The following ZBBX variants were observed in gnomAD, a reference collection of about 807,000 sequenced individuals.
ZBBX encodes the protein zinc finger B-box domain containing, also known as zinc finger B-box domain-containing protein 1.
A neutral mutation model predicts 108.5 loss-of-function variants in ZBBX; 101 were observed. That is an observed-to-expected ratio of 0.93 (90% CI 0.79 to 1.10). The LOEUF (loss-of-function observed/expected upper bound fraction) is 1.10, where lower values mean the gene tolerates loss of function less well. Among genes scored for constraint, ZBBX ranks in the 50% least tolerant of loss-of-function variants. The pLI is 0.00. For synonymous variants in ZBBX, 356 were observed against 323.4 expected, an observed-to-expected ratio of 1.10 and a Z score of -1.08; for missense variants, 1,009 against 941.4, an observed-to-expected ratio of 1.07 and a Z score of -0.94.
At chr3:167,183,459 C>T in the ZBBX span, among the ~76,000 whole-genome samples, 118 of 152,188 alleles carry the variant, frequency 7.8e-4, no homozygotes, top group Non-Finnish European at 1.2e-3. Context: ...CCTAACCCAG[C>T]GGCGCTAGAG....
chr3:167,218,194 A>G, the ZBBX span, among the ~76,000 whole-genome samples: 1 of 152,160 alleles, frequency 6.6e-6, no homozygotes, highest in Non-Finnish European at 1.5e-5. Flanking sequence ...AATATGTACA[A>G]CAAACCCCCA....
At chr3:167,306,398 A>G (rs571895938) in intron 16 of ZBBX, among the ~76,000 whole-genome samples, 1 of 152,304 alleles carries the variant, frequency 6.6e-6, no homozygotes, top group African/African-American at 2.4e-5. Flanking sequence ...AGATGAAAGA[A>G]GAGCAGCAGT....
chr3:167,284,315 G>T (rs1195074439), intron 19 of ZBBX, among the ~76,000 whole-genome samples: 1 of 151,776 alleles, frequency 6.6e-6, no homozygotes, highest in Non-Finnish European at 1.5e-5. Context: ...AACTCTCCAA[G>T]TCTACATAAG....
intron 1 of ZBBX, among the ~76,000 whole-genome samples, chr3:167,405,321 T>C (rs954200379): frequency 6.6e-6 from 1 of 151,958 alleles, no homozygotes; most frequent in African/African-American, 2.4e-5. Context: ...ACCTCTGACA[T>C]AAACAGTGCA....
chr3:167,366,256 G>C lies in ZBBX; in HGVS notation c.183-280C>G, dbSNP rs949423776. Among the ~76,000 whole-genome samples the C allele has an allele frequency of 1.2e-4, 18 of 151,812 alleles. 1 individual carries two copies. Among genetic ancestry groups the C allele is most frequent in the Non-Finnish European group, 4.4e-5 (3 of 67,780 alleles). On this transcript the variant is annotated intron_variant, in intron 5 of 21. Transcript: ENST00000675490. ...TTCCTTGATATTCACAATGACTAAA[G>C]ATAGCTTTATTGATTTGTAGGAAAC...
Position 167,318,431 on chromosome 3 carries a change from T to C in ZBBX, c.984-834A>G, listed in dbSNP as rs543847010. On this transcript the variant is annotated intron_variant, in intron 12 of 21. Transcript: ENST00000675490. The stretch of plus-strand genomic sequence containing the variant: ...AGTATGATCTTAACTTTACAGAGGA[T>C]GAGACTGAGACACAAAGTGGTGTAC... Among the ~76,000 whole-genome samples the C allele has an allele frequency of 1.1e-3, 171 of 152,096 alleles. 1 individual carries two copies. Among genetic ancestry groups the C allele is most frequent in the African/African-American group, 4.1e-3 (170 of 41,530 alleles).
the ZBBX span, among the ~76,000 whole-genome samples, chr3:167,187,437 G>A: frequency 7.2e-5 from 11 of 152,272 alleles, no homozygotes; most frequent in East Asian, 1.9e-4. Flanking sequence ...AGATAATAGC[G>A]TGTGCATCAG....
At chr3:167,319,529 G>A (rs1360970807) in intron 12 of ZBBX, among the ~76,000 whole-genome samples, 2 of 151,940 alleles carry the variant, frequency 1.3e-5, no homozygotes, top group Admixed American at 1.3e-4. Context: ...GAGGATATGG[G>A]CTGAACCCAA....
intron 8 of ZBBX, among the ~76,000 whole-genome samples, chr3:167,357,625 A>G (rs1379506280): frequency 6.6e-6 from 1 of 152,204 alleles, no homozygotes; most frequent in Non-Finnish European, 1.5e-5. Context: ...TAATGGATGA[A>G]TAGTTAAACA....
intron 20 of ZBBX, among the ~76,000 whole-genome samples, chr3:167,266,524 C>G (rs1560044521): frequency 6.6e-6 from 1 of 152,164 alleles, no homozygotes; most frequent in Non-Finnish European, 1.5e-5. Flanking sequence ...AGCTCCACCA[C>G]TGTACCTCAC....
chr3:167,231,903 C>T, the ZBBX span, among the ~76,000 whole-genome samples: 15 of 151,694 alleles, frequency 9.9e-5, no homozygotes, highest in South Asian at 6.2e-4. Flanking sequence ...TTATATTGAC[C>T]GGTATAGAAT....
chr3:167,219,261 C>T, the ZBBX span, among the ~76,000 whole-genome samples: 1 of 151,968 alleles, frequency 6.6e-6, no homozygotes, highest in African/African-American at 2.4e-5. Context: ...ACTTAATCTG[C>T]ATTATACACC....
At chr3:167,232,046 G>C in the ZBBX span, among the ~76,000 whole-genome samples, 1 of 151,676 alleles carries the variant, frequency 6.6e-6, no homozygotes, top group South Asian at 2.1e-4. Flanking sequence ...TGTTTGTAGA[G>C]AAAGAAAATA....
At chr3:167,326,313 T>A (rs1737373268) in intron 11 of ZBBX, among the ~76,000 whole-genome samples, 1 of 152,140 alleles carries the variant, frequency 6.6e-6, no homozygotes, top group African/African-American at 2.4e-5. Flanking sequence ...TGAGTATGTG[T>A]GTGTACATAA....
chr3:167,282,173 T>C (rs981918058), intron 20 of ZBBX, 65 bp downstream of exon 20: 1 of 1,485,874 alleles, frequency 6.7e-7, no homozygotes, highest in Non-Finnish European at 9.0e-7. Context: ...GCGCAAGATA[T>C]GAAGAATCCG....
chr3:167,301,333 C>A (rs1732634588), intron 17 of ZBBX, among the ~76,000 whole-genome samples: 1 of 152,150 alleles, frequency 6.6e-6, no homozygotes, highest in Admixed American at 6.5e-5. Flanking sequence ...AATCATCAGA[C>A]TATCTAACTA....
the ZBBX span, among the ~76,000 whole-genome samples, chr3:167,227,386 A>G: frequency 6.6e-6 from 1 of 151,658 alleles, no homozygotes; most frequent in South Asian, 2.1e-4. Flanking sequence ...AGGACAAAGC[A>G]TTATATTTTA....
the ZBBX span, among the ~76,000 whole-genome samples, chr3:167,234,404 A>G: frequency 6.6e-6 from 1 of 151,880 alleles, no homozygotes; most frequent in East Asian, 1.9e-4. Flanking sequence ...CAAAGACTGA[A>G]TTTTAAAGAG....
chr3:167,302,702 C>T (rs1245234099), intron 17 of ZBBX, among the ~76,000 whole-genome samples: 4 of 152,184 alleles, frequency 2.6e-5, no homozygotes, highest in Non-Finnish European at 4.4e-5. Flanking sequence ...ACACAAGACT[C>T]CTTGGTCAGA....
Sources: allele counts gnomAD v4.1 joint callset (sites outside exome capture counted in the v4.1 genomes callset), GRCh38; gene constraint gnomAD v4.1.1; transcripts MANE v1.5; gene names NCBI Gene and HGNC (gene_info 2026-07-23, HGNC 2026-07-21).